The following NEDD9 variants were observed in gnomAD, a reference collection of about 807,000 sequenced individuals.
The protein encoded by NEDD9 is neural precursor cell expressed, developmentally down-regulated 9.
In NEDD9, 26 loss-of-function variants were observed where a neutral mutation model predicts 76.6. The observed-to-expected ratio is 0.34, with a 90% CI of 0.25 to 0.47. The LOEUF is 0.47. Ranked by LOEUF, NEDD9 falls within the 20% of genes least tolerant of loss-of-function variation. The pLI, the probability that NEDD9 is intolerant of heterozygous loss-of-function variation, is 1.00. For missense variants in NEDD9, 937 were observed against 1,058.5 expected (o/e 0.89, Z 1.59); for synonymous variants, 392 against 414.2 (o/e 0.95, Z 0.65).
At chr6:11,247,142 C>T (rs1324827096) in intron 3 of NEDD9, among the ~76,000 whole-genome samples, 1 of 152,198 alleles carries the variant, frequency 6.6e-6, no homozygotes, top group Non-Finnish European at 1.5e-5. Context: ...ATCATGATCT[C>T]TCCCTCCTTC....
At chr6:11,255,502 A>G (rs1301222717) in intron 3 of NEDD9, among the ~76,000 whole-genome samples, 4 of 152,152 alleles carry the variant, frequency 2.6e-5, no homozygotes, top group African/African-American at 4.8e-5. Flanking sequence ...TAGTCTGGTG[A>G]CAAGAGGTGG....
chr6:11,210,291 G>C (rs561607308), intron 2 of NEDD9, among the ~76,000 whole-genome samples: 3 of 152,202 alleles, frequency 2.0e-5, no homozygotes, highest in African/African-American at 7.2e-5. Flanking sequence ...TACCTCTCTG[G>C]GTGATTCTAT....
At chr6:11,312,695 TATA>T (rs1561829049) in intron 2 of NEDD9, among the ~76,000 whole-genome samples, 5 of 124,978 alleles carry the variant, frequency 4.0e-5, no homozygotes, top group South Asian at 4.5e-4. Context: ...ATATATATTA[TATA>T]TATATATATA....
rs12055740 is a variant in NEDD9 at position 11,284,310 on chromosome 6, C to T, written c.12+21682G>A. Among the ~76,000 whole-genome samples, 1,460 of 150,350 alleles carry T rather than the reference C, an allele frequency of 9.7e-3. 71 individuals carry two copies. The East Asian group carries it at 0.17, about 18-fold the overall frequency. The stretch of plus-strand genomic sequence containing the variant: ...GTGGCTCACGCCTGTAATCCCAGCA[C>T]TTTGGGAGGCCGAGGCAGGCAGATC... On this transcript the variant is annotated intron_variant, in intron 3 of 3. Transcript: ENST00000397378.
At chr6:11,260,781 C>T (rs923620837) in intron 3 of NEDD9, among the ~76,000 whole-genome samples, 2 of 152,148 alleles carry the variant, frequency 1.3e-5, no homozygotes, top group Admixed American at 6.6e-5. Context: ...TAGTCACACA[C>T]TATTTCTCAG....
chr6:11,345,744 T>G (rs2113527753), intron 1 of NEDD9, among the ~76,000 whole-genome samples: 1 of 152,346 alleles, frequency 6.6e-6, no homozygotes, highest in East Asian at 1.9e-4. Flanking sequence ...AGAAAGTACA[T>G]GACACATCAT....
intron 3 of NEDD9, among the ~76,000 whole-genome samples, chr6:11,293,196 G>GTTTTTT (rs35317754): frequency 6.7e-6 from 1 of 148,428 alleles, no homozygotes. Context: ...CTAAGTCTAT[G>GTTTTTT]TTTTTTTTTT....
Position 11,321,154 on chromosome 6 carries a change from AAGGAGGGAGGGAAAGAAGG to A in NEDD9, c.-153+13328_-153+13346del, listed in dbSNP as rs1453898106. 6.2e-3 allele frequency among the ~76,000 whole-genome samples: 621 copies of A among 100,930 alleles called. 5 individuals are homozygous for A. The highest frequency in any genetic ancestry group is 0.024 in the African/African-American group (582 of 24,264). 66.2% of individuals were successfully genotyped at this position (100,930 alleles called of 152,430 possible). A position where few individuals can be genotyped will look rare whatever the true frequency, so the allele number is the denominator to read the frequency against. On this transcript the variant is annotated intron_variant, in intron 2 of 3. Transcript: ENST00000397378. ...GAAGGAAGAAGGGAGGGACAGAAGG[AAGGAGGGAGGGAAAGAAGG>A]AAGGAGGGAGGGAAAGAAGGAAGGA...
intron 1 of NEDD9, among the ~76,000 whole-genome samples, chr6:11,228,253 G>A (rs1365924753): frequency 2.6e-5 from 4 of 152,072 alleles, no homozygotes; most frequent in East Asian, 1.9e-4. Flanking sequence ...CAAAAAGGCC[G>A]GGTGCGGTGG....
chr6:11,266,456 C>T (rs190378942), intron 3 of NEDD9, among the ~76,000 whole-genome samples: 200 of 152,204 alleles, frequency 1.3e-3, no homozygotes, highest in Non-Finnish European at 2.1e-3. Context: ...TGCTGAGAAA[C>T]CCTGCCCCAA....
At chr6:11,254,523 G>C (rs780140199) in intron 3 of NEDD9, among the ~76,000 whole-genome samples, 9 of 152,032 alleles carry the variant, frequency 5.9e-5, no homozygotes, top group Admixed American at 5.2e-4. Context: ...GGTAGTTTTT[G>C]GTTACATAAA....
At chr6:11,305,560 T>C (rs1225405612) in intron 3 of NEDD9, among the ~76,000 whole-genome samples, 1 of 152,250 alleles carries the variant, frequency 6.6e-6, no homozygotes, top group Non-Finnish European at 1.5e-5. Flanking sequence ...CAACTTGATT[T>C]TCTTGAGGAA....
chr6:11,377,723 G>T (rs1223921427), intron 1 of NEDD9, among the ~76,000 whole-genome samples: 1 of 152,226 alleles, frequency 6.6e-6, no homozygotes, highest in Admixed American at 6.5e-5. Context: ...GGGAGAAGAT[G>T]ATTGTATTTT....
chr6:11,372,604 A>G (rs976886176), intron 1 of NEDD9, among the ~76,000 whole-genome samples: 1 of 152,182 alleles, frequency 6.6e-6, no homozygotes, highest in East Asian at 1.9e-4. Flanking sequence ...ACTAATTTAC[A>G]TTCCCACTAA....
chr6:11,254,517 G>C (rs1233491982), intron 3 of NEDD9, among the ~76,000 whole-genome samples: 1 of 152,138 alleles, frequency 6.6e-6, no homozygotes, highest in African/African-American at 2.4e-5. Context: ...GGAACAGGTA[G>C]TTTTTGGTTA....
intron 3 of NEDD9, among the ~76,000 whole-genome samples, chr6:11,303,887 C>G (rs895644016): frequency 1.3e-5 from 2 of 152,182 alleles, no homozygotes; most frequent in African/African-American, 4.8e-5. Context: ...CCATTCAGGA[C>G]ATAGACATGG....
At position 11,308,795 on chromosome 6, in the gene NEDD9, C is replaced by T. The variant is rs541124804; in HGVS notation, c.-152-2640G>A. Among the ~76,000 whole-genome samples, 35 of 152,290 alleles carry T rather than the reference C, an allele frequency of 2.3e-4. No homozygotes were observed. The South Asian group carries it at 7.0e-3, about 31-fold the overall frequency. ...ACAAAAAATTGTTTTTTGTCATGCT[C>T]CAAGGAATCCTGATAATTTATTATT... On this transcript the variant is annotated intron_variant, in intron 2 of 3. Coordinates refer to the NEDD9 transcript ENST00000397378.
At chr6:11,346,916 G>T (rs1057007585) in intron 1 of NEDD9, among the ~76,000 whole-genome samples, 1 of 152,122 alleles carries the variant, frequency 6.6e-6, no homozygotes, top group African/African-American at 2.4e-5. Flanking sequence ...GTTGTGAAAG[G>T]TCAGCCAGCT....
chr6:11,277,889 C>T (rs1383553983), intron 3 of NEDD9, among the ~76,000 whole-genome samples: 1 of 152,192 alleles, frequency 6.6e-6, no homozygotes, highest in Non-Finnish European at 1.5e-5. Context: ...TTGCCTGCCT[C>T]CCACCCACCC....
Sources: allele counts gnomAD v4.1 joint callset (sites outside exome capture counted in the v4.1 genomes callset), GRCh38; gene constraint gnomAD v4.1.1; transcripts MANE v1.5; gene names NCBI Gene and HGNC (gene_info 2026-07-23, HGNC 2026-07-21).